Variants in LIPE observed in about 807,000 individuals in gnomAD.
The protein encoded by LIPE is hormone-sensitive lipase.
A neutral mutation model predicts 88.5 loss-of-function variants in LIPE; 66 were observed. The observed-to-expected ratio is 0.75, with a 90% CI of 0.61 to 0.91. LIPE has a LOEUF of 0.91. Ranked by LOEUF, LIPE falls within the 40% of genes least tolerant of loss-of-function variation. The pLI, the probability that LIPE is intolerant of heterozygous loss-of-function variation, is 0.00. For synonymous variants in LIPE, 570 were observed against 617.5 expected (o/e 0.92, Z 1.14); for missense variants, 1,346 against 1,434.7 (o/e 0.94, Z 1.00).
At chr19:42,409,207 C>T (rs998383660) in intron 2 of LIPE, among the ~76,000 whole-genome samples, 1 of 151,834 alleles carries the variant, frequency 6.6e-6, no homozygotes, top group African/African-American at 2.4e-5. Context: ...CAGCCAGCCA[C>T]CACGGGGGCA....
In LIPE at chr19:42,402,719, T is replaced by G. The variant is rs778965991; in HGVS notation, c.2855A>C (p.Gln952Pro). 1.9e-6 allele frequency: 3 copies of G among 1,552,076 alleles called. No individual in the cohort carries two copies. The highest frequency in any genetic ancestry group is 2.6e-6 in the Non-Finnish European group (3 of 1,144,408). ...PEGFHPRRSS[Q>P]GATQMPLYSS... ...GTAGAGGGGCATCTGTGTGGCACCC[T>G]GGCTGGAGCGTCGGGGGTGGAAACC... The change falls in exon 9 of 10, where the codon CAG becomes CCG. Residue 952 changes from glutamine to proline, a missense_variant. By Grantham distance (76) the Gln-to-Pro change is moderately conservative. Coordinates refer to ENST00000244289, the MANE Select transcript of LIPE (RefSeq NM_005357.4).
rs2040445133 is a variant in LIPE at position 42,414,281 on chromosome 19, G to T, written c.884-3439C>A. Among the ~76,000 whole-genome samples, 3 of 151,222 alleles carry T rather than the reference G, an allele frequency of 2.0e-5. No homozygotes were observed. The South Asian group carries it at 6.3e-4, about 32-fold the overall frequency. ...AAGCGAGACTCTGTCAGAAAAGAAA[G>T]GAAAGAAAGAAAGGAAAGGAAGGAA... is the stretch of plus-strand genomic sequence containing the variant. On this transcript the variant is annotated intron_variant, in intron 1 of 9. Transcript: ENST00000244289. The surrounding 1 kb of genome is among the most constrained non-coding windows in gnomAD (Gnocchi z 4.6).
chr19:42,408,157 G>C lies in LIPE; in HGVS notation c.1511-36C>G, dbSNP rs1312978604. The C allele has an allele frequency of 6.2e-7, 1 of 1,614,020 alleles. No homozygotes were observed. Among genetic ancestry groups the C allele is most frequent in the Non-Finnish European group, 8.5e-7 (1 of 1,179,960 alleles). ...GAAGGGGTGTCAGGGAGCCCCAGTG[G>C]GTCAGGCTGCTTGGGCAGGAGTGGG... On this transcript the variant is annotated intron_variant, in intron 3 of 9. Coordinates refer to ENST00000244289, the MANE Select transcript of LIPE (RefSeq NM_005357.4). The surrounding 1 kb of genome is among the most constrained non-coding windows in gnomAD (Gnocchi z 4.3).
In LIPE at chr19:42,408,169, T is replaced by TGGGCAGGAGTGGGGAGGAG; in HGVS notation, c.1510+44_1511-49dup. On this transcript the variant is annotated intron_variant, in intron 3 of 9. Transcript: ENST00000244289. The surrounding 1 kb of genome is among the most constrained non-coding windows in gnomAD (Gnocchi z 4.3). Reference sequence around the variant, plus strand: ...GGGAGCCCCAGTGGGTCAGGCTGCTTGGGCAGGAGTGGGGAGGAGGGCCAA... The same window carrying TGGGCAGGAGTGGGGAGGAG: ...GGGAGCCCCAGTGGGTCAGGCTGCTTGGGCAGGAGTGGGGAGGAGGGGCAGGAGTGGGGAGGAGGGCCAA... The TGGGCAGGAGTGGGGAGGAG allele has an allele frequency of 6.2e-7, 1 of 1,613,742 alleles. No individual in the cohort carries two copies.
rs1412297420 is a variant in LIPE at position 42,401,943 on chromosome 19, G to A, written c.3100C>T (p.Arg1034Cys). The change falls in exon 10 of 10, where the codon CGC becomes TGC. Residue 1034 changes from arginine (R) to cysteine (C), a missense_variant. By Grantham distance (180) the Arg-to-Cys change is radical. Transcript: ENST00000244289. ...HGFLTLAALCRETRQAAELCV... is the reference protein window; with the variant it reads ...HGFLTLAALCCETRQAAELCV... ...AGCTCTGCGGCCTGGCGCGTCTCGC[G>A]GCACAGCGCCGCTAGGGTCAGGAAG... 1 of 1,556,620 alleles carries A rather than the reference G, an allele frequency of 6.4e-7. No individual in the cohort carries two copies. Among genetic ancestry groups the A allele is most frequent in the Non-Finnish European group, 8.7e-7 (1 of 1,155,392 alleles).
rs1273601554 is a variant in LIPE at position 42,407,132 on chromosome 19, G to GA, written c.2137+41dup. The stretch of plus-strand genomic sequence containing the variant: ...GAGGAGCTTAAAGCAAGCTGGGTGG[G>GA]ATGGGAGCAGGCGCAGGTGGCTGTG... On this transcript the variant is annotated intron_variant, in intron 6 of 9. Transcript: ENST00000244289. The surrounding 1 kb of genome is among the most constrained non-coding windows in gnomAD (Gnocchi z 5.8). 12 of 1,451,502 alleles carry GA rather than the reference G, an allele frequency of 8.3e-6. No homozygotes were observed. The highest frequency in any genetic ancestry group is 1.1e-5 in the Non-Finnish European group (12 of 1,100,908). The allele number at this position is 1,451,502 out of a possible 1,614,324, so 89.9% of individuals were successfully genotyped here. A position where few individuals can be genotyped will look rare whatever the true frequency, so the allele number is the denominator to read the frequency against.
Position 42,407,981 on chromosome 19 carries a change from G to GCA in LIPE, c.1649_1650dup (p.Leu551CysfsTer13). The GCA allele has an allele frequency of 1.9e-6, 3 of 1,612,898 alleles. No individual in the cohort carries two copies. The highest frequency in any genetic ancestry group is 2.5e-6 in the Non-Finnish European group (3 of 1,179,714). Reference sequence around the variant, plus strand: ...CATCTGCAACAGGCCCTCACCGATAGCACTTCCATCTCGGTGATGTTCCAG... The same window carrying GCA: ...CATCTGCAACAGGCCCTCACCGATAGCACACTTCCATCTCGGTGATGTTCCAG... On this transcript the variant is annotated frameshift_variant, in exon 4 of 10. Coordinates refer to ENST00000244289, the MANE Select transcript of LIPE (RefSeq NM_005357.4). LOFTEE classifies it high-confidence loss of function. The surrounding 1 kb of genome is among the most constrained non-coding windows in gnomAD (Gnocchi z 5.8).
At chr19:42,405,928 C>A (rs985762401) in intron 7 of LIPE, 1 of 577,410 alleles carries the variant, frequency 1.7e-6, no homozygotes, top group African/African-American at 1.9e-5. Flanking sequence ...CCACTGCACT[C>A]AGCCTGAGCG....
intron 1 of LIPE, chr19:42,424,026 C>G: frequency 8.5e-7 from 1 of 1,180,942 alleles, no homozygotes; most frequent in Non-Finnish European, 1.1e-6. Flanking sequence ...GGGCCAGGTC[C>G]TCTGCCAACT....
chr19:42,417,611 T>C (rs75445139), intron 1 of LIPE, among the ~76,000 whole-genome samples: 5,049 of 152,198 alleles, frequency 0.033, 252 homozygotes, highest in African/African-American at 0.11. Context: ...TCTTGAACAC[T>C]GGACCTCAAG....
chr19:42,415,741 C>T (rs190757200), intron 1 of LIPE, among the ~76,000 whole-genome samples: 316 of 150,460 alleles, frequency 2.1e-3, no homozygotes, highest in African/African-American at 7.5e-3. Context: ...ACCTGGGAAG[C>T]GGAGCTTGTA....
In LIPE at chr19:42,410,943, C is replaced by T; in HGVS notation, c.884-101G>A. The T allele has an allele frequency of 8.6e-7, 1 of 1,162,442 alleles. No homozygotes were observed. The highest frequency in any genetic ancestry group is 1.2e-6 in the Non-Finnish European group (1 of 829,948). 72.0% of individuals were successfully genotyped at this position (1,162,442 alleles called of 1,614,324 possible). On this transcript the variant is annotated intron_variant, in intron 1 of 9. Coordinates refer to ENST00000244289, the MANE Select transcript of LIPE (RefSeq NM_005357.4). This position sits in a 1 kb window ranked among gnomAD's most constrained non-coding sequence, Gnocchi z 6.1. ...ATAGCTTACCCACTCCTCCTTCAAA[C>T]CTCAGTGCTGTCTTCTTTCAGTTCC...
At chr19:42,424,635 T>A (rs1045928397) in intron 1 of LIPE, 3 of 456,202 alleles carry the variant, frequency 6.6e-6, no homozygotes, top group Non-Finnish European at 1.3e-5. Flanking sequence ...CAAGACAGAC[T>A]GGCCTCTGGG....
chr19:42,423,625 C>A, intron 1 of LIPE: 1 of 1,179,024 alleles, frequency 8.5e-7, no homozygotes, highest in Non-Finnish European at 1.1e-6. Flanking sequence ...ACTGTCGGGC[C>A]CCCCTATTAC....
At position 42,410,958 on chromosome 19, in the gene LIPE, C is replaced by T. The variant is rs35027046; in HGVS notation, c.884-116G>A. The stretch of plus-strand genomic sequence containing the variant: ...CTCCTTCAAACCTCAGTGCTGTCTT[C>T]TTTCAGTTCCAGGGGCCCAGGACCC... On this transcript the variant is annotated intron_variant, in intron 1 of 9. Coordinates refer to ENST00000244289, the MANE Select transcript of LIPE (RefSeq NM_005357.4). The surrounding 1 kb of genome is among the most constrained non-coding windows in gnomAD (Gnocchi z 6.1). The T allele has an allele frequency of 1.2e-4, 123 of 1,028,464 alleles. No individual in the cohort carries two copies. In the African/African-American group the frequency reaches 1.8e-3, roughly 15 times the overall value. The allele number at this position is 1,028,464 out of a possible 1,614,324, so 63.7% of individuals were successfully genotyped here.
In LIPE at chr19:42,425,731, G is replaced by A. The variant is rs181255261; in HGVS notation, c.883+536C>T. 4.0e-3 allele frequency among the ~76,000 whole-genome samples: 609 copies of A among 152,268 alleles called. 2 individuals carry two copies. Among genetic ancestry groups the A allele is most frequent in the South Asian group, 0.014 (66 of 4,818 alleles). Reference sequence around the variant, plus strand: ...AGGCTGAGGTATGAGGATCGCTTGAGCCCAGGAGTTTGAGGCTGCAGTGAG... The same window carrying A: ...AGGCTGAGGTATGAGGATCGCTTGAACCCAGGAGTTTGAGGCTGCAGTGAG... On this transcript the variant is annotated intron_variant, in intron 1 of 9. Coordinates refer to ENST00000244289, the MANE Select transcript of LIPE (RefSeq NM_005357.4).
intron 1 of LIPE, among the ~76,000 whole-genome samples, chr19:42,413,363 A>T (rs1020569906): frequency 1.3e-5 from 2 of 152,240 alleles, no homozygotes; most frequent in Non-Finnish European, 2.9e-5. Flanking sequence ...ACAGAATTAC[A>T]AATACAAGAT....
intron 1 of LIPE, chr19:42,425,215 G>A (rs914228857): frequency 1.3e-5 from 2 of 159,642 alleles, no homozygotes; most frequent in African/African-American, 4.8e-5. Flanking sequence ...GTAAGGTACC[G>A]TCTTTGTATT....
At chr19:42,415,866 G>A (rs537220044) in intron 1 of LIPE, among the ~76,000 whole-genome samples, 170 of 151,904 alleles carry the variant, frequency 1.1e-3, no homozygotes, top group African/African-American at 4.0e-3. Flanking sequence ...AGTCTGAACG[G>A]TCTGGATAGA....
Sources: allele counts gnomAD v4.1 joint callset (sites outside exome capture counted in the v4.1 genomes callset), GRCh38; gene constraint gnomAD v4.1.1; non-coding constraint Gnocchi (gnomAD v3.1); transcripts MANE v1.5; gene names NCBI Gene and HGNC (gene_info 2026-07-23, HGNC 2026-07-21).